The following ZNF302 variants were observed in gnomAD, a reference collection of about 807,000 sequenced individuals.
ZNF302 encodes the protein zinc finger protein 302.
A neutral mutation model predicts 10.8 loss-of-function variants in ZNF302; 12 were observed. The observed-to-expected ratio is 1.11, with a 90% CI of 0.71 to 1.79. The LOEUF (loss-of-function observed/expected upper bound fraction) is 1.79. ZNF302 is among the 40% of genes most tolerant of loss of function. The probability of loss-of-function intolerance (pLI) is 0.00; values close to 1 mark genes in which losing one functional copy is unlikely to be tolerated. For synonymous variants in ZNF302, 178 were observed against 157.5 expected (o/e 1.13, Z -0.98); for missense variants, 461 against 471.1 (o/e 0.98, Z 0.20).
chr19:34,685,740 C>G lies in ZNF302; in HGVS notation c.*503C>G, dbSNP rs138536546. ...GTATGAAGGTGGTGAACATGGGAGA[C>G]TTTTAGCAATGATGCAGATTTTTTT... On this transcript the variant is annotated 3_prime_UTR_variant, in exon 5 of 5. Coordinates refer to ENST00000505242, the MANE Select transcript of ZNF302 (RefSeq NM_001289187.2). 2.4e-5 allele frequency: 14 copies of G among 585,628 alleles called. No homozygotes were observed. The East Asian group carries it at 3.4e-4, about 14-fold the overall frequency. 36.3% of individuals were successfully genotyped at this position (585,628 alleles called of 1,614,324 possible).
rs1209620641 is a variant in ZNF302, at chr19:34,685,137, A to AAAAATATGAATGC, written c.1103_1115dup (p.Asn372LysfsTer3). On this transcript the variant is annotated frameshift_variant, in exon 5 of 5. Coordinates refer to ENST00000505242, the MANE Select transcript of ZNF302 (RefSeq NM_001289187.2). LOFTEE classifies it low-confidence loss of function (END_TRUNC). ...CATCAAAGAATTCACAGTATGAAGA[A>AAAAATATGAATGC]AAAATATGAATGCAACAAATGTCTC... The AAAAATATGAATGC allele has an allele frequency of 6.2e-7, 1 of 1,611,482 alleles. No homozygotes were observed. Among genetic ancestry groups the AAAAATATGAATGC allele is most frequent in the Admixed American group, 1.7e-5 (1 of 59,426 alleles).
chr19:34,685,632 G>GAGAA lies in ZNF302; in HGVS notation c.*396_*399dup. On this transcript the variant is annotated 3_prime_UTR_variant, in exon 5 of 5. Transcript: ENST00000505242. ...TATACATGTGAGAAATCTTACAGAA[G>GAGAA]AGAAGCAGTGTTTATCACGGTAAAC... 2 of 986,052 alleles carry GAGAA rather than the reference G, an allele frequency of 2.0e-6. No homozygotes were observed. The highest frequency in any genetic ancestry group is 2.8e-5 in the South Asian group (2 of 70,326). 61.1% of individuals were successfully genotyped at this position (986,052 alleles called of 1,614,324 possible).
intron 4 of ZNF302, among the ~76,000 whole-genome samples, chr19:34,683,571 CAGTT>C (rs1355781028): frequency 6.6e-5 from 10 of 152,052 alleles, no homozygotes; most frequent in East Asian, 5.8e-4. Context: ...GAAAAGCTGT[CAGTT>C]AGATGGAAAA....
At chr19:34,679,371 A>G (rs1288872756) in intron 2 of ZNF302, among the ~76,000 whole-genome samples, 1 of 152,154 alleles carries the variant, frequency 6.6e-6, no homozygotes, top group Non-Finnish European at 1.5e-5. Context: ...AGCTGTGACC[A>G]TGGTCCTATT....
In ZNF302 at chr19:34,683,203, A is replaced by T. The variant is rs1351049611; in HGVS notation, c.179A>T (p.Lys60Ile). ...GTGATCATGTTATTGGAGGATGGAAAAGAGCCCTGGATGATGGAGAAAAAA... is the reference window on the plus strand; with the variant it reads ...GTGATCATGTTATTGGAGGATGGAATAGAGCCCTGGATGATGGAGAAAAAA... Reference protein sequence around the residue: ...PYVIMLLEDGKEPWMMEKKLS... With the variant: ...PYVIMLLEDGIEPWMMEKKLS... The change falls in exon 4 of 5, where the codon AAA becomes ATA. Residue 60 changes from lysine (K) to isoleucine (I), a missense_variant. Transcript: ENST00000505242. 1 of 1,614,122 alleles carries T rather than the reference A, an allele frequency of 6.2e-7. No homozygotes were observed. The highest frequency in any genetic ancestry group is 1.7e-5 in the Admixed American group (1 of 60,024).
In ZNF302 at chr19:34,684,592, G is replaced by C; in HGVS notation, c.555G>C (p.Gln185His). 6.2e-7 allele frequency: 1 copy of C among 1,614,054 alleles called. No individual in the cohort carries two copies. The highest frequency in any genetic ancestry group is 1.3e-5 in the African/African-American group (1 of 75,042). ...NSNKSGAAFN[Q>H]SKSLTLPQTC... ...ATAAAAGTGGGGCAGCCTTCAACCA[G>C]AGCAAATCTCTTACCCTTCCCCAGA... Residue 185 changes from glutamine (Q) to histidine (H), a missense_variant, in exon 5 of 5, where the codon CAG becomes CAC. Coordinates refer to ENST00000505242, the MANE Select transcript of ZNF302 (RefSeq NM_001289187.2).
chr19:34,677,313 T>C (rs566422139), upstream of ZNF302: 1 of 152,140 alleles, frequency 6.6e-6, no homozygotes, highest in African/African-American at 2.4e-5. Context: ...AGCGCAGGAA[T>C]GACCCGGAAG....
intron 4 of ZNF302, chr19:34,683,958 C>G: frequency 7.6e-7 from 1 of 1,318,646 alleles, no homozygotes; most frequent in East Asian, 2.8e-5. Flanking sequence ...TGATACTTTC[C>G]TTTTTTCCAT....
At chr19:34,680,206 G>C (rs2068268950) in intron 2 of ZNF302, among the ~76,000 whole-genome samples, 1 of 152,174 alleles carries the variant, frequency 6.6e-6, no homozygotes, top group South Asian at 2.1e-4. Flanking sequence ...AAAGGCTAAA[G>C]TGAACTAATG....
intron 4 of ZNF302, 47 bp from the exon 5 acceptor site, chr19:34,684,205 A>AGGG: frequency 1.6e-6 from 1 of 627,228 alleles, no homozygotes; most frequent in Non-Finnish European, 2.3e-6. Flanking sequence ...AAAAAAAAAA[A>AGGG]AAAAAAAAAA....
rs1019426520 is a variant in ZNF302 at position 34,685,604 on chromosome 19, C to A, written c.*367C>A. ...GGAAAAGCCTTTAGATCATATGAATCCCTATACATGTGAGAAATCTTACAG... is the reference window on the plus strand; with the variant it reads ...GGAAAAGCCTTTAGATCATATGAATACCTATACATGTGAGAAATCTTACAG... On this transcript the variant is annotated 3_prime_UTR_variant, in exon 5 of 5. Transcript: ENST00000505242. The A allele has an allele frequency of 3.3e-6, 4 of 1,198,204 alleles. No individual in the cohort carries two copies. The highest frequency in any genetic ancestry group is 1.2e-5 in the South Asian group (1 of 80,952). 74.2% of individuals were successfully genotyped at this position (1,198,204 alleles called of 1,614,324 possible).
At chr19:34,679,460 G>C (rs1283386496) in intron 2 of ZNF302, among the ~76,000 whole-genome samples, 1 of 152,126 alleles carries the variant, frequency 6.6e-6, no homozygotes, top group African/African-American at 2.4e-5. Flanking sequence ...TGACCTATTT[G>C]TACAATTAGG....
Position 34,683,076 on chromosome 19 carries a change from T to C in ZNF302, c.131-79T>C, listed in dbSNP as rs549621799. The C allele has an allele frequency of 1.1e-5, 17 of 1,597,084 alleles. No individual in the cohort carries two copies. In the South Asian group the frequency reaches 1.6e-4, roughly 15 times the overall value. On this transcript the variant is annotated intron_variant, in intron 3 of 4. Transcript: ENST00000505242. ...CATTTCAGTGAACACCCTTCATCCA[T>C]TCCTGTGGTCCCTCTTGTGATGGCC...
intron 2 of ZNF302, 84 bp downstream of exon 2, chr19:34,678,897 C>A: frequency 6.5e-7 from 1 of 1,529,034 alleles, no homozygotes. Context: ...CTGTTCCCAC[C>A]TAATCAAGTC....
chr19:34,684,289 A>G lies in ZNF302; in HGVS notation c.252A>G (p.Thr84=), dbSNP rs779014425. The change falls in exon 5 of 5, where the codon ACA becomes ACG. Residue 84 remains threonine, a synonymous_variant. Coordinates refer to ENST00000505242, the MANE Select transcript of ZNF302 (RefSeq NM_001289187.2). ...ESRWENKELS[T]KKDIYDEDSP... Reference sequence around the variant, plus strand: ...GATGGGAAAACAAGGAATTATCAACAAAGAAGGATATTTATGATGAAGATT... The same window carrying G: ...GATGGGAAAACAAGGAATTATCAACGAAGAAGGATATTTATGATGAAGATT... 10 of 1,566,762 alleles carry G rather than the reference A, an allele frequency of 6.4e-6. No homozygotes were observed. In the South Asian group the frequency reaches 1.1e-4, roughly 17 times the overall value.
At chr19:34,678,431 CAAAAAAAAA>C (rs11441977) in intron 1 of ZNF302, among the ~76,000 whole-genome samples, 2 of 115,286 alleles carry the variant, frequency 1.7e-5, no homozygotes, top group Admixed American at 9.3e-5. Context: ...GACTCCGTCT[CAAAAAAAAA>C]AAAAAAAAAA....
At position 34,677,731 on chromosome 19, in the gene ZNF302, T is replaced by G. The variant is rs977376352; in HGVS notation, c.-441T>G. On this transcript the variant is annotated 5_prime_UTR_variant, in exon 1 of 5. Transcript: ENST00000505242. ...CGGCGGCTTCCAAGCTAAGGAACGG[T>G]TTGGGGCAGTGTCGTTCCCGGAGGT... 1.3e-5 allele frequency: 2 copies of G among 152,094 alleles called. No homozygotes were observed. The highest frequency in any genetic ancestry group is 1.3e-4 in the Admixed American group (2 of 15,268). The allele number at this position is 152,094 out of a possible 1,614,324, so 9.4% of individuals were successfully genotyped here.
Position 34,685,435 on chromosome 19 carries a change from A to G in ZNF302, c.*198A>G, listed in dbSNP as rs2068611093. On this transcript the variant is annotated 3_prime_UTR_variant, in exon 5 of 5. Coordinates refer to ENST00000505242, the MANE Select transcript of ZNF302 (RefSeq NM_001289187.2). ...GTGGGAAGACCTTCAGCTGTAGTTCAAACCTTACTGTACATCAGAGAATTC... is the reference window on the plus strand; with the variant it reads ...GTGGGAAGACCTTCAGCTGTAGTTCGAACCTTACTGTACATCAGAGAATTC... 7.5e-6 allele frequency: 12 copies of G among 1,601,536 alleles called. No individual in the cohort carries two copies. The highest frequency in any genetic ancestry group is 2.7e-5 in the African/African-American group (2 of 74,642).
rs1295994807 is a variant in ZNF302 at position 34,678,794 on chromosome 19, A to G, written c.-11A>G. 1.9e-6 allele frequency: 3 copies of G among 1,613,812 alleles called. No individual in the cohort carries two copies. Among genetic ancestry groups the G allele is most frequent in the Admixed American group, 1.7e-5 (1 of 60,006 alleles). Reference sequence around the variant, plus strand: ...AAGGGGACTCTGTTGGCCATTGGAAATTGCAGAATAATGTCTCAGGTAAGT... The same window carrying G: ...AAGGGGACTCTGTTGGCCATTGGAAGTTGCAGAATAATGTCTCAGGTAAGT... On this transcript the variant is annotated 5_prime_UTR_variant, in exon 2 of 5. Coordinates refer to ENST00000505242, the MANE Select transcript of ZNF302 (RefSeq NM_001289187.2).
Sources: gnomAD v4.1 joint callset for allele counts (sites outside exome capture counted in the v4.1 genomes callset) on GRCh38, gnomAD v4.1.1 for gene constraint, MANE v1.5 for transcripts, NCBI Gene and HGNC (gene_info 2026-07-23, HGNC 2026-07-21) for gene names.